The following TNFRSF10B variants were observed in gnomAD, a reference collection of about 807,000 sequenced individuals.
TNFRSF10B encodes TNF receptor superfamily member 10b, also known as tumor necrosis factor receptor superfamily member 10B.
TNFRSF10B carries 35 observed loss-of-function variants against 41.4 expected under a neutral mutation model. The observed-to-expected ratio is 0.85, with a 90% CI of 0.65 to 1.12. TNFRSF10B has a LOEUF of 1.12. TNFRSF10B is among the 50% of genes most tolerant of loss of function. The pLI, the probability that TNFRSF10B is intolerant of heterozygous loss-of-function variation, is 0.00. For missense variants in TNFRSF10B, 584 were observed against 552.7 expected (o/e 1.06, Z -0.57); for synonymous variants, 230 against 215.5 (o/e 1.07, Z -0.59).
chr8:23,029,577 G>T, intron 4 of TNFRSF10B, 33 bp downstream of exon 4: 1 of 1,581,092 alleles, frequency 6.3e-7, no homozygotes, highest in African/African-American at 1.3e-5. Flanking sequence ...GGGGTTCCAT[G>T]GAGCTACTGG....
chr8:23,044,264 T>C (rs1812289643), intron 1 of TNFRSF10B, among the ~76,000 whole-genome samples: 1 of 152,166 alleles, frequency 6.6e-6, no homozygotes, highest in Non-Finnish European at 1.5e-5. Flanking sequence ...GATTTGGCAA[T>C]GATTTCTTGA....
intron 1 of TNFRSF10B, among the ~76,000 whole-genome samples, chr8:23,065,819 C>T (rs1390003127): frequency 6.7e-6 from 1 of 150,188 alleles, no homozygotes; most frequent in Non-Finnish European, 1.5e-5. Flanking sequence ...AATTACTATG[C>T]ATGAAAAAAA....
Position 23,030,716 on chromosome 8 carries a change from C to A in TNFRSF10B, c.364+43G>T, listed in dbSNP as rs371279725. On this transcript the variant is annotated intron_variant, in intron 3 of 8. Coordinates refer to ENST00000276431, the MANE Select transcript of TNFRSF10B (RefSeq NM_003842.5). The stretch of plus-strand genomic sequence containing the variant: ...TTTAGCTACAACTTTTATGTCATCA[C>A]CCCGCATTCCACCTTTAGGCATGGG... The A allele has an allele frequency of 1.5e-5, 22 of 1,476,560 alleles. No individual in the cohort carries two copies. The African/African-American group carries it at 2.6e-4, about 18-fold the overall frequency. 91.5% of individuals were successfully genotyped at this position (1,476,560 alleles called of 1,614,324 possible).
Position 23,024,409 on chromosome 8 carries a change from G to T in TNFRSF10B, c.937-149C>A. Reference sequence around the variant, plus strand: ...TCTGGCAACAAGACAGGAGACAAAGGGGCAAGACTCTCGGAAGGAGGCCGA... The same window carrying T: ...TCTGGCAACAAGACAGGAGACAAAGTGGCAAGACTCTCGGAAGGAGGCCGA... On this transcript the variant is annotated intron_variant, in intron 7 of 8. Coordinates refer to ENST00000276431, the MANE Select transcript of TNFRSF10B (RefSeq NM_003842.5). 1.2e-5 allele frequency: 10 copies of T among 818,024 alleles called. No individual in the cohort carries two copies. The South Asian group carries it at 1.5e-4, about 12-fold the overall frequency. 50.7% of individuals were successfully genotyped at this position (818,024 alleles called of 1,614,324 possible).
rs1216010454 is a variant in TNFRSF10B at position 23,028,621 on chromosome 8, GGA to G, written c.477-21_477-20del. On this transcript the variant is annotated intron_variant, in intron 4 of 8. Coordinates refer to ENST00000276431, the MANE Select transcript of TNFRSF10B (RefSeq NM_003842.5). ...GGGACACCTGGGTACACACACAGAG[GGA>G]GAGGGGGGACTCTTGATGGAAAGCT... 4.3e-6 allele frequency: 7 copies of G among 1,613,868 alleles called. No homozygotes were observed. The highest frequency in any genetic ancestry group is 3.4e-6 in the Non-Finnish European group (4 of 1,179,922).
intron 1 of TNFRSF10B, among the ~76,000 whole-genome samples, chr8:23,056,439 G>T (rs1183611646): frequency 6.6e-6 from 1 of 152,052 alleles, no homozygotes; most frequent in East Asian, 1.9e-4. Context: ...TCATTTGAGG[G>T]CAGGAGTTTG....
At position 23,020,807 on chromosome 8, in the gene TNFRSF10B, T is replaced by A; in HGVS notation, c.*1864A>T. ...AGGGACCTGGGACCGGACTGGCACC[T>A]TCTGAGCCCTGAGGCTGAGCGTCCT... On this transcript the variant is annotated 3_prime_UTR_variant, in exon 9 of 9. Transcript: ENST00000276431. 1 of 453,776 alleles carries A rather than the reference T, an allele frequency of 2.2e-6. No homozygotes were observed. Among genetic ancestry groups the A allele is most frequent in the Non-Finnish European group, 4.4e-6 (1 of 226,790 alleles). 28.1% of individuals were successfully genotyped at this position (453,776 alleles called of 1,614,324 possible). A position where few individuals can be genotyped will look rare whatever the true frequency, so the allele number is the denominator to read the frequency against.
chr8:23,030,668 G>C lies in TNFRSF10B; in HGVS notation c.364+91C>G, dbSNP rs1399895295. 10 of 949,946 alleles carry C rather than the reference G, an allele frequency of 1.1e-5. No individual in the cohort carries two copies. The South Asian group carries it at 1.1e-4, about 11-fold the overall frequency. 58.8% of individuals were successfully genotyped at this position (949,946 alleles called of 1,614,324 possible). ...GTATGATGAAGACCAAGGTGGACCAGAATCTAGGTCTCCTGATCCCATTTT... is the reference window on the plus strand; with the variant it reads ...GTATGATGAAGACCAAGGTGGACCACAATCTAGGTCTCCTGATCCCATTTT... On this transcript the variant is annotated intron_variant, in intron 3 of 8. Transcript: ENST00000276431.
At chr8:23,051,007 G>A (rs1403709027) in intron 1 of TNFRSF10B, among the ~76,000 whole-genome samples, 3 of 152,216 alleles carry the variant, frequency 2.0e-5, no homozygotes, top group Non-Finnish European at 4.4e-5. Flanking sequence ...CTGGGAGGCA[G>A]AGGTTGTAGT....
intron 2 of TNFRSF10B, among the ~76,000 whole-genome samples, chr8:23,040,460 TA>T (rs1277927492): frequency 3.7e-4 from 33 of 88,132 alleles, no homozygotes; most frequent in African/African-American, 1.0e-3. Context: ...TTATTAAATA[TA>T]TATACACAAA....
At chr8:23,042,651 C>G (rs1812238180) in intron 2 of TNFRSF10B, among the ~76,000 whole-genome samples, 1 of 152,184 alleles carries the variant, frequency 6.6e-6, no homozygotes, top group Non-Finnish European at 1.5e-5. Flanking sequence ...CAGGGACATC[C>G]ATCACTCATG....
Position 23,051,530 on chromosome 8 carries a change from T to A in TNFRSF10B, c.145-8287A>T, listed in dbSNP as rs1393758324. Among the ~76,000 whole-genome samples, 5 of 150,600 alleles carry A rather than the reference T, an allele frequency of 3.3e-5. No individual in the cohort carries two copies. In the East Asian group the frequency reaches 9.9e-4, roughly 30 times the overall value. On this transcript the variant is annotated intron_variant, in intron 1 of 8. Coordinates refer to ENST00000276431, the MANE Select transcript of TNFRSF10B (RefSeq NM_003842.5). Reference sequence around the variant, plus strand: ...TTAATGAAGATAGTTACATCTTGAATTATTTAGTAAAATACTCTTTTTTTT... The same window carrying A: ...TTAATGAAGATAGTTACATCTTGAAATATTTAGTAAAATACTCTTTTTTTT...
chr8:23,029,296 C>T (rs1208352870), intron 4 of TNFRSF10B, among the ~76,000 whole-genome samples: 1 of 152,190 alleles, frequency 6.6e-6, no homozygotes, highest in African/African-American at 2.4e-5. Flanking sequence ...TGCCTGGCTG[C>T]ATTCTACTCA....
intron 5 of TNFRSF10B, 111 bp downstream of exon 5, chr8:23,028,220 G>A: frequency 4.7e-6 from 7 of 1,477,540 alleles, no homozygotes; most frequent in Non-Finnish European, 6.6e-6. Flanking sequence ...ATAGAGCCAG[G>A]CTGGAGGCAC....
At chr8:23,043,675 G>A (rs1812274862) in intron 1 of TNFRSF10B, among the ~76,000 whole-genome samples, 1 of 152,030 alleles carries the variant, frequency 6.6e-6, no homozygotes, top group South Asian at 2.1e-4. Flanking sequence ...TTATAATATA[G>A]CAAACTTAAA....
At chr8:23,024,511 A>C (rs570709162) in intron 7 of TNFRSF10B, among the ~76,000 whole-genome samples, 1 of 150,204 alleles carries the variant, frequency 6.7e-6, no homozygotes, top group East Asian at 1.9e-4. Context: ...TCAAAAGTGA[A>C]TATGTCTTGA....
chr8:23,027,699 A>T, intron 6 of TNFRSF10B, 23 bp downstream of exon 6: 1 of 1,613,992 alleles, frequency 6.2e-7, no homozygotes, highest in Non-Finnish European at 8.5e-7. Flanking sequence ...CTGAGCCCCC[A>T]GCTCCTGGAG....
Position 23,040,647 on chromosome 8 carries a change from T to C in TNFRSF10B, c.250+2491A>G, listed in dbSNP as rs188701842. ...AATAACTGAAGAGCAGAAACAAATC[T>C]TTTCTTGTCAATAACTATGTTAATT... On this transcript the variant is annotated intron_variant, in intron 2 of 8. Coordinates refer to ENST00000276431, the MANE Select transcript of TNFRSF10B (RefSeq NM_003842.5). Among the ~76,000 whole-genome samples, 195 of 151,940 alleles carry C rather than the reference T, an allele frequency of 1.3e-3. 1 individual carries two copies. Among genetic ancestry groups the C allele is most frequent in the Non-Finnish European group, 2.6e-3 (178 of 67,964 alleles).
chr8:23,067,474 A>G (rs1813023330), intron 1 of TNFRSF10B, among the ~76,000 whole-genome samples: 2 of 152,088 alleles, frequency 1.3e-5, no homozygotes, highest in South Asian at 4.1e-4. Flanking sequence ...CAGAGCAAAC[A>G]AACCAAATCA....
Sources: allele counts gnomAD v4.1 joint callset (sites outside exome capture counted in the v4.1 genomes callset), GRCh38; gene constraint gnomAD v4.1.1; transcripts MANE v1.5; gene names NCBI Gene and HGNC (gene_info 2026-07-23, HGNC 2026-07-21).